The following SH3BGR variants were observed in gnomAD, a reference collection of about 807,000 sequenced individuals.
SH3BGR encodes SH3 domain-binding glutamic acid-rich protein.
SH3BGR carries 29 observed loss-of-function variants against 24.5 expected under a neutral mutation model. That is an observed-to-expected ratio of 1.18 (90% confidence interval 0.88 to 1.61). The LOEUF (loss-of-function observed/expected upper bound fraction) is 1.61. SH3BGR is among the 40% of genes most tolerant of loss of function. The pLI is 0.00. For synonymous variants in SH3BGR, 55 were observed against 65.7 expected, an observed-to-expected ratio of 0.84 and a Z score of 0.79; for missense variants, 162 against 205.8, an observed-to-expected ratio of 0.79 and a Z score of 1.30.
chr21:39,446,506 T>C (rs561026455), intron 1 of SH3BGR, among the ~76,000 whole-genome samples: 1 of 152,318 alleles, frequency 6.6e-6, no homozygotes, highest in East Asian at 1.9e-4. Flanking sequence ...TTTCTAAAGG[T>C]AGAGGGAAAC....
chr21:39,487,289 T>A (rs2078227342), intron 3 of SH3BGR, among the ~76,000 whole-genome samples: 1 of 151,910 alleles, frequency 6.6e-6, no homozygotes, highest in Non-Finnish European at 1.5e-5. Flanking sequence ...ACCGCAGATA[T>A]GCACCACCAT....
intron 4 of SH3BGR, among the ~76,000 whole-genome samples, chr21:39,504,865 A>T (rs989000520): frequency 6.6e-6 from 1 of 152,166 alleles, no homozygotes; most frequent in African/African-American, 2.4e-5. Flanking sequence ...ACAGAGTCTC[A>T]TTCTGTCACC....
chr21:39,469,352 C>T lies in SH3BGR; in HGVS notation c.232-5783C>T, dbSNP rs536068277. ...TTTATGTTGTTCATAGTTTTTTGTT[C>T]GTTTGTTTGTTTTTGGTCTTTTGGC... On this transcript the variant is annotated intron_variant, in intron 2 of 6. Transcript: ENST00000333634. Among the ~76,000 whole-genome samples the T allele has an allele frequency of 8.0e-5, 12 of 149,910 alleles. No individual in the cohort carries two copies. The East Asian group carries it at 1.8e-3, about 22-fold the overall frequency.
At chr21:39,506,653 C>T (rs963485893) in intron 4 of SH3BGR, among the ~76,000 whole-genome samples, 1 of 152,158 alleles carries the variant, frequency 6.6e-6, no homozygotes, top group African/African-American at 2.4e-5. Context: ...AGACTTACTA[C>T]CACAAGAACA....
At chr21:39,496,552 T>C (rs1007949617) in intron 3 of SH3BGR, among the ~76,000 whole-genome samples, 1 of 150,680 alleles carries the variant, frequency 6.6e-6, no homozygotes, top group Non-Finnish European at 1.5e-5. Context: ...GCATATGATA[T>C]AATTGCATGC....
At chr21:39,506,189 A>G (rs2078580099) in intron 4 of SH3BGR, among the ~76,000 whole-genome samples, 1 of 152,192 alleles carries the variant, frequency 6.6e-6, no homozygotes, top group Admixed American at 6.5e-5. Context: ...ATGCCCCCAA[A>G]CACACAGACT....
intron 3 of SH3BGR, chr21:39,488,562 A>G: frequency 3.2e-6 from 1 of 312,232 alleles, no homozygotes; most frequent in Non-Finnish European, 5.7e-6. Flanking sequence ...TGTGGCCAGG[A>G]ACAAGGACTA....
chr21:39,510,429 TACACACAC>T (rs140320437), intron 5 of SH3BGR, among the ~76,000 whole-genome samples: 2,632 of 105,524 alleles, frequency 0.025, 164 homozygotes, highest in African/African-American at 0.1. Context: ...ACACTGTAGC[TACACACAC>T]ACACACACAC....
rs569261207 is a variant in SH3BGR at position 39,463,090 on chromosome 21, CCCAGGCTGCTCTGGAACT to C, written c.231+533_231+550del. Reference sequence around the variant, plus strand: ...GTAGAGACAGGGTCTCCCTATGTTGCCCAGGCTGCTCTGGAACTCCTGGCCTCAAGTGATCCTCCTGCC... The same window carrying C: ...GTAGAGACAGGGTCTCCCTATGTTGCCCTGGCCTCAAGTGATCCTCCTGCC... On this transcript the variant is annotated intron_variant, in intron 2 of 6. Transcript: ENST00000333634. Among the ~76,000 whole-genome samples, 528 of 152,286 alleles carry C rather than the reference CCCAGGCTGCTCTGGAACT, an allele frequency of 3.5e-3. 4 individuals carry two copies. The highest frequency in any genetic ancestry group is 0.012 in the African/African-American group (516 of 41,552).
intron 4 of SH3BGR, among the ~76,000 whole-genome samples, chr21:39,507,076 C>T (rs1434059462): frequency 1.3e-5 from 2 of 152,154 alleles, no homozygotes; most frequent in African/African-American, 2.4e-5. Context: ...GTGCCAGACT[C>T]TTCTCCTGCA....
At chr21:39,501,068 A>G (rs978982674) in intron 4 of SH3BGR, among the ~76,000 whole-genome samples, 12 of 152,262 alleles carry the variant, frequency 7.9e-5, no homozygotes, top group Non-Finnish European at 1.6e-4. Flanking sequence ...ACAATACTTT[A>G]AAAATTAAAT....
At chr21:39,468,046 A>G (rs1217228914) in intron 2 of SH3BGR, among the ~76,000 whole-genome samples, 2 of 152,188 alleles carry the variant, frequency 1.3e-5, no homozygotes, top group Non-Finnish European at 2.9e-5. Flanking sequence ...AGCCCAGGTA[A>G]GGGCCGGAGT....
At chr21:39,497,995 C>G (rs899075509) in intron 3 of SH3BGR, among the ~76,000 whole-genome samples, 17 of 152,122 alleles carry the variant, frequency 1.1e-4, no homozygotes, top group African/African-American at 3.9e-4. Flanking sequence ...TTGGAACACC[C>G]ATTGACTGGG....
In SH3BGR at chr21:39,510,194, G is replaced by A. The variant is rs888415886; in HGVS notation, c.435+1167G>A. ...CCTGACCTTGTGATCCGCCCGCCTC[G>A]GCCTCCCAAAGTGCTGGGATTACAG... On this transcript the variant is annotated intron_variant, in intron 5 of 6. Transcript: ENST00000333634. Among the ~76,000 whole-genome samples, 18 of 126,958 alleles carry A rather than the reference G, an allele frequency of 1.4e-4. 1 individual carries two copies. The highest frequency in any genetic ancestry group is 1.8e-4 in the Non-Finnish European group (11 of 60,686). The allele number at this position is 126,958 out of a possible 152,430, so 83.3% of individuals were successfully genotyped here.
chr21:39,448,368 T>C (rs1218719347), upstream of SH3BGR, among the ~76,000 whole-genome samples: 2 of 152,200 alleles, frequency 1.3e-5, no homozygotes, highest in Non-Finnish European at 2.9e-5. Context: ...ATCTGTAAAG[T>C]TATGTAAATC....
chr21:39,492,447 T>G (rs111785937), intron 3 of SH3BGR, among the ~76,000 whole-genome samples: 6,180 of 101,012 alleles, frequency 0.061, 167 homozygotes, highest in South Asian at 0.099. Context: ...TCCCTTGGTG[T>G]GTGTGTGTGT....
chr21:39,462,666 G>T, intron 2 of SH3BGR, 106 bp downstream of exon 2: 1 of 689,724 alleles, frequency 1.4e-6, no homozygotes, highest in Non-Finnish European at 2.3e-6. Context: ...ACAACTGTCA[G>T]GTCATGGTCT....
chr21:39,461,582 G>A (rs1450913450), intron 1 of SH3BGR, among the ~76,000 whole-genome samples: 2 of 152,178 alleles, frequency 1.3e-5, no homozygotes, highest in Non-Finnish European at 2.9e-5. Context: ...AAGGATGTGA[G>A]GTACAGACAG....
chr21:39,481,653 C>A (rs1165976505), intron 3 of SH3BGR, among the ~76,000 whole-genome samples: 2 of 152,114 alleles, frequency 1.3e-5, no homozygotes, highest in East Asian at 3.8e-4. Flanking sequence ...AACTATCACC[C>A]CAATATTTTA....
Sources: allele counts gnomAD v4.1 joint callset (sites outside exome capture counted in the v4.1 genomes callset), GRCh38; gene constraint gnomAD v4.1.1; transcripts MANE v1.5; gene names NCBI Gene and HGNC (gene_info 2026-07-23, HGNC 2026-07-21).